Variants in ABCA5 observed in about 807,000 individuals in gnomAD.
ABCA5 encodes the protein ATP binding cassette subfamily A member 5.
ABCA5 carries 163 observed loss-of-function variants against 206.0 expected under a neutral mutation model. The ratio of observed to expected loss-of-function variants is 0.79; its 90% CI spans 0.70 to 0.90. The LOEUF (loss-of-function observed/expected upper bound fraction) is 0.90. Ranked by LOEUF, ABCA5 falls within the 40% of genes least tolerant of loss-of-function variation. The pLI is 0.00. For synonymous variants in ABCA5, 609 were observed against 613.8 expected, an observed-to-expected ratio of 0.99 and a Z score of 0.11; for missense variants, 1,859 against 1,912.9, an observed-to-expected ratio of 0.97 and a Z score of 0.53.
chr17:69,260,120 A>G (rs755197299), intron 27 of ABCA5, among the ~76,000 whole-genome samples: 1 of 151,964 alleles, frequency 6.6e-6, no homozygotes, highest in Non-Finnish European at 1.5e-5. Flanking sequence ...AACAGAATTA[A>G]TAACATGTAA....
rs533159074 is a variant in ABCA5, at chr17:69,284,331, C to T, written c.2273-259G>A. ...GAGCTGTGATTGTGGCACTGAACTC[C>T]AGCCTAAGTAACAGGCTTAACATTC... is the stretch of plus-strand genomic sequence containing the variant. On this transcript the variant is annotated intron_variant, in intron 17 of 38. Coordinates refer to ENST00000392676, the MANE Select transcript of ABCA5 (RefSeq NM_172232.4). Among the ~76,000 whole-genome samples, 74 of 152,056 alleles carry T rather than the reference C, an allele frequency of 4.9e-4. 1 individual carries two copies. The highest frequency in any genetic ancestry group is 1.2e-4 in the Non-Finnish European group (8 of 68,006).
chr17:69,285,999 G>A lies in ABCA5; in HGVS notation c.2171C>T (p.Ser724Phe), dbSNP rs1306000501. 1 of 1,612,670 alleles carries A rather than the reference G, an allele frequency of 6.2e-7. No homozygotes were observed. The highest frequency in any genetic ancestry group is 8.5e-7 in the Non-Finnish European group (1 of 1,179,434). Residue 724 changes from serine to phenylalanine, a missense_variant, in exon 17 of 39, where the codon TCT (serine) becomes TTT (phenylalanine). Physicochemically the swap from Ser to Phe is radical, Grantham distance 155. Transcript: ENST00000392676. ...IDKYCATESL[S>F]SLVKQHIPGA... ...AGGTATATGTTGTTTAACCAGTGAA[G>A]AAAGAGATTCTGTGGCACAATATTT...
chr17:69,248,273 T>A lies in ABCA5; in HGVS notation c.4810A>T (p.Thr1604Ser). The A allele has an allele frequency of 6.4e-7, 1 of 1,557,292 alleles. No homozygotes were observed. Among genetic ancestry groups the A allele is most frequent in the African/African-American group, 1.4e-5 (1 of 73,074 alleles). The change falls in exon 38 of 39, where the codon ACA becomes TCA. Residue 1604 changes from threonine (T) to serine (S), a missense_variant. Physicochemically the swap from Thr to Ser is moderately conservative, Grantham distance 58. Coordinates refer to ENST00000392676, the MANE Select transcript of ABCA5 (RefSeq NM_172232.4). ...AIEEYSFSQA[T>S]LEQVFVELTK... Reference sequence around the variant, plus strand: ...TAACTTTATAGTACCTGTTCCAATGTTGCTTGAGAAAAGCTATATTCTTCA... The same window carrying A: ...TAACTTTATAGTACCTGTTCCAATGATGCTTGAGAAAAGCTATATTCTTCA...
intron 18 of ABCA5, among the ~76,000 whole-genome samples, chr17:69,281,109 G>T (rs1445372867): frequency 6.6e-6 from 1 of 151,260 alleles, no homozygotes. Flanking sequence ...TTTATTTAAT[G>T]GCAAGAATAA....
At chr17:69,276,795 T>A (rs1052086676) in intron 19 of ABCA5, among the ~76,000 whole-genome samples, 1 of 152,060 alleles carries the variant, frequency 6.6e-6, no homozygotes, top group African/African-American at 2.4e-5. Context: ...GAACTTAAAG[T>A]ATAAAAAAAT....
rs1567757414 is a variant in ABCA5 at position 69,268,079 on chromosome 17, C to A, written c.3031-23G>T. ...TTCCTGAAAGACAACCACAGAGTAA[C>A]AAATGGAACTGAGAATCATTTTATA... On this transcript the variant is annotated intron_variant, in intron 22 of 38. Transcript: ENST00000392676. 4 of 1,084,862 alleles carry A rather than the reference C, an allele frequency of 3.7e-6. No homozygotes were observed. In the East Asian group the frequency reaches 9.5e-5, roughly 26 times the overall value. 67.2% of individuals were successfully genotyped at this position (1,084,862 alleles called of 1,614,324 possible).
At chr17:69,311,908 T>C (rs1292882701) in intron 3 of ABCA5, among the ~76,000 whole-genome samples, 1 of 152,222 alleles carries the variant, frequency 6.6e-6, no homozygotes, top group Non-Finnish European at 1.5e-5. Flanking sequence ...TAATCTATAC[T>C]ACTTGTACCT....
intron 3 of ABCA5, among the ~76,000 whole-genome samples, chr17:69,310,856 G>C (rs1379700825): frequency 6.6e-6 from 1 of 152,164 alleles, no homozygotes; most frequent in Non-Finnish European, 1.5e-5. Context: ...TGATGACACT[G>C]GGTTGTTGTG....
chr17:69,298,233 A>AGGTAGGT lies in ABCA5; in HGVS notation c.1268-875_1268-874insACCTACC, dbSNP rs1567774476. Among the ~76,000 whole-genome samples, 591 of 68,046 alleles carry AGGTAGGT rather than the reference A, an allele frequency of 8.7e-3. 13 individuals carry two copies. The highest frequency in any genetic ancestry group is 0.019 in the South Asian group (29 of 1,538). The allele number at this position is 68,046 out of a possible 152,430, so 44.6% of individuals were successfully genotyped here. A position where few individuals can be genotyped will look rare whatever the true frequency, so the allele number is the denominator to read the frequency against. On this transcript the variant is annotated intron_variant, in intron 9 of 38. Coordinates refer to ENST00000392676, the MANE Select transcript of ABCA5 (RefSeq NM_172232.4). ...GTCGGAAGGAAGGAAGGTAGGTAGG[A>AGGTAGGT]AGGAAGGAAGGAAGGAAGGAAGGAA...
rs1479431910 is a variant in ABCA5 at position 69,303,760 on chromosome 17, A to G, written c.931-854T>C. ...GGACACTTAGGAAGACCTCGACTCT[A>G]AAAAAAAAAAAAAAAAAAAAAAAAA... On this transcript the variant is annotated intron_variant, in intron 7 of 38. Transcript: ENST00000392676. Among the ~76,000 whole-genome samples, 3 of 4,232 alleles carry G rather than the reference A, an allele frequency of 7.1e-4. No individual in the cohort carries two copies. In the Non-Finnish European group the frequency reaches 8.2e-3, roughly 11 times the overall value. 2.8% of individuals were successfully genotyped at this position (4,232 alleles called of 152,430 possible).
rs568786611 is a variant in ABCA5, at chr17:69,317,934, A to C, written c.-15-3504T>G. The C allele has an allele frequency of 5.9e-5, 9 of 152,342 alleles. No individual in the cohort carries two copies. In the South Asian group the frequency reaches 1.7e-3, roughly 28 times the overall value. The allele number at this position is 152,342 out of a possible 1,614,324, so 9.4% of individuals were successfully genotyped here. ...CTCTGCATACTAAGAAGTATTGAGA[A>C]GATAGCAGGGGAAATAACAACAACA... On this transcript the variant is annotated intron_variant, in intron 1 of 38. Transcript: ENST00000392676.
chr17:69,264,001 A>G (rs2075180315), intron 24 of ABCA5, among the ~76,000 whole-genome samples: 1 of 152,026 alleles, frequency 6.6e-6, no homozygotes, highest in South Asian at 2.1e-4. Context: ...CAGCTTATGT[A>G]GGATTCCTTT....
rs1318224268 is a variant in ABCA5 at position 69,318,930 on chromosome 17, GCAT to G, written c.-15-4503_-15-4501del. The G allele has an allele frequency of 7.8e-6, 5 of 640,572 alleles. No individual in the cohort carries two copies. In the East Asian group the frequency reaches 8.9e-5, roughly 11 times the overall value. The allele number at this position is 640,572 out of a possible 1,614,324, so 39.7% of individuals were successfully genotyped here. A position where few individuals can be genotyped will look rare whatever the true frequency, so the allele number is the denominator to read the frequency against. ...GGAATGGTGGTAATGCGATGTAATG[GCAT>G]CATCATGTTAGAAGCCTTGGAACAA... is the stretch of plus-strand genomic sequence containing the variant. On this transcript the variant is annotated intron_variant, in intron 1 of 38. Coordinates refer to ENST00000392676, the MANE Select transcript of ABCA5 (RefSeq NM_172232.4).
intron 23 of ABCA5, among the ~76,000 whole-genome samples, chr17:69,267,095 G>A (rs559599355): frequency 2.0e-5 from 3 of 151,876 alleles, no homozygotes; most frequent in South Asian, 2.1e-4. Context: ...GGCTAGTCTC[G>A]AACTCCCAAC....
At chr17:69,268,307 T>C (rs1158247502) in intron 22 of ABCA5, among the ~76,000 whole-genome samples, 1 of 152,142 alleles carries the variant, frequency 6.6e-6, no homozygotes, top group African/African-American at 2.4e-5. Context: ...ACTTTCATTT[T>C]CCTGTCTACA....
At chr17:69,253,766 G>T (rs534944925) in intron 33 of ABCA5, 28 bp downstream of exon 33, 2 of 1,592,752 alleles carry the variant, frequency 1.3e-6, no homozygotes, top group African/African-American at 1.3e-5. Flanking sequence ...TAAAAATACA[G>T]GCATTATTTG....
At chr17:69,261,072 A>G in intron 26 of ABCA5, 53 bp downstream of exon 26, 1 of 1,432,900 alleles carries the variant, frequency 7.0e-7, no homozygotes, top group Non-Finnish European at 9.4e-7. Context: ...TCCCCAAATT[A>G]GACCATATTT....
intron 3 of ABCA5, among the ~76,000 whole-genome samples, chr17:69,310,182 C>G (rs1452734004): frequency 6.6e-6 from 1 of 152,006 alleles, no homozygotes; most frequent in African/African-American, 2.4e-5. Flanking sequence ...GGGCTTTGTT[C>G]TGTTACCCAG....
chr17:69,269,917 G>T (rs2144932792), intron 22 of ABCA5, among the ~76,000 whole-genome samples: 1 of 152,236 alleles, frequency 6.6e-6, no homozygotes, highest in South Asian at 2.1e-4. Flanking sequence ...TTGGGAGTGG[G>T]TATGAGAGGA....
Sources: allele counts gnomAD v4.1 joint callset (sites outside exome capture counted in the v4.1 genomes callset), GRCh38; gene constraint gnomAD v4.1.1; transcripts MANE v1.5; gene names NCBI Gene and HGNC (gene_info 2026-07-23, HGNC 2026-07-21).